The following BCAS3 variants were observed in gnomAD, a reference collection of about 807,000 sequenced individuals.
BCAS3 encodes BCAS4/BCAS3 fusion.
BCAS3 carries 53 observed loss-of-function variants against 116.1 expected under a neutral mutation model. The ratio of observed to expected loss-of-function variants is 0.46; its 90% CI spans 0.37 to 0.57. The LOEUF (loss-of-function observed/expected upper bound fraction) is 0.57, where lower values mean the gene tolerates loss of function less well. BCAS3 is among the 20% of genes least tolerant of loss of function. The pLI, the probability that BCAS3 is intolerant of heterozygous loss-of-function variation, is 0.00. For missense variants in BCAS3, 917 were observed against 1,165.4 expected, an observed-to-expected ratio of 0.79 and a Z score of 3.10; for synonymous variants, 391 against 408.2, an observed-to-expected ratio of 0.96 and a Z score of 0.51.
intron 9 of BCAS3, among the ~76,000 whole-genome samples, chr17:60,881,688 G>C (rs1254853782): frequency 6.7e-6 from 1 of 149,178 alleles, no homozygotes; most frequent in Non-Finnish European, 1.5e-5. Context: ...AGAATATGCG[G>C]TGTTTGGTTT....
chr17:60,709,367 G>T, intron 5 of BCAS3, 42 bp downstream of exon 5: 1 of 1,183,906 alleles, frequency 8.4e-7, no homozygotes, highest in East Asian at 2.4e-5. Context: ...ATACTTCCCA[G>T]CATGTTAGCT....
chr17:60,862,630 A>T (rs1481936615), intron 7 of BCAS3, among the ~76,000 whole-genome samples: 1 of 152,088 alleles, frequency 6.6e-6, no homozygotes, highest in Non-Finnish European at 1.5e-5. Flanking sequence ...TGCATGCATC[A>T]TCACTGTTGA....
At chr17:61,194,463 G>C (rs2080351940) in intron 22 of BCAS3, among the ~76,000 whole-genome samples, 1 of 152,106 alleles carries the variant, frequency 6.6e-6, no homozygotes. Flanking sequence ...AACTAAGCCG[G>C]GCGCAGTGGC....
chr17:61,246,141 TC>T (rs996421424), intron 22 of BCAS3, among the ~76,000 whole-genome samples: 7 of 152,082 alleles, frequency 4.6e-5, no homozygotes, highest in African/African-American at 1.7e-4. Flanking sequence ...TCATAACTGA[TC>T]TAAGATGGCT....
chr17:60,825,816 T>C (rs1023780328), intron 7 of BCAS3, among the ~76,000 whole-genome samples: 3 of 150,990 alleles, frequency 2.0e-5, no homozygotes, highest in Admixed American at 6.6e-5. Context: ...CTTAATCACC[T>C]CCTAAAGGCC....
intron 6 of BCAS3, among the ~76,000 whole-genome samples, chr17:60,773,614 AT>A (rs1347291095): frequency 2.0e-5 from 3 of 150,802 alleles, no homozygotes; most frequent in African/African-American, 7.3e-5. Context: ...TCTTTAACCT[AT>A]TTTTTCATCA....
At chr17:60,935,055 T>G (rs997447705) in intron 13 of BCAS3, among the ~76,000 whole-genome samples, 1 of 152,054 alleles carries the variant, frequency 6.6e-6, no homozygotes, top group Non-Finnish European at 1.5e-5. Context: ...TCCCAGCTAC[T>G]TGGGAGGCTG....
chr17:60,914,679 C>T (rs2058688080), intron 12 of BCAS3, among the ~76,000 whole-genome samples: 2 of 152,178 alleles, frequency 1.3e-5, no homozygotes, highest in African/African-American at 2.4e-5. Flanking sequence ...CCCTTTTCTT[C>T]CTCCCTGTCC....
At chr17:61,238,616 T>G (rs1020850675) in intron 22 of BCAS3, among the ~76,000 whole-genome samples, 13 of 152,158 alleles carry the variant, frequency 8.5e-5, no homozygotes, top group African/African-American at 4.8e-5. Flanking sequence ...AGAGCTGGCT[T>G]TGGCAGGTCT....
intron 22 of BCAS3, among the ~76,000 whole-genome samples, chr17:61,231,089 C>T (rs2082652496): frequency 6.6e-6 from 1 of 151,434 alleles, no homozygotes; most frequent in Non-Finnish European, 1.5e-5. Flanking sequence ...TAGGTGTGAG[C>T]TGCTGTACCT....
intron 14 of BCAS3, among the ~76,000 whole-genome samples, chr17:60,981,673 C>A (rs777937345): frequency 3.2e-4 from 48 of 152,112 alleles, no homozygotes; most frequent in Non-Finnish European, 2.6e-4. Flanking sequence ...ATAATAATAG[C>A]AAACATCTTT....
rs1264168541 is a variant in BCAS3, at chr17:60,842,862, CT to C, written c.477-25702del. 4.1e-3 allele frequency among the ~76,000 whole-genome samples: 592 copies of C among 144,292 alleles called. 2 individuals are homozygous for C. The highest frequency in any genetic ancestry group is 5.0e-3 in the Non-Finnish European group (326 of 65,378). 94.7% of individuals were successfully genotyped at this position (144,292 alleles called of 152,430 possible). On this transcript the variant is annotated intron_variant, in intron 7 of 23. Transcript: ENST00000407086. ...TTTGTTGGGTTTTGCATTCTCTTAG[CT>C]TTTTTTTTTTTATATTTTTATTTTT...
chr17:61,206,863 T>A (rs2081172502), intron 22 of BCAS3, among the ~76,000 whole-genome samples: 1 of 150,436 alleles, frequency 6.6e-6, no homozygotes, highest in Non-Finnish European at 1.5e-5. Context: ...AATGTACCAG[T>A]TTTTACTTTG....
chr17:61,329,643 T>TG (rs2056088795), intron 22 of BCAS3, among the ~76,000 whole-genome samples: 1 of 152,140 alleles, frequency 6.6e-6, no homozygotes, highest in South Asian at 2.1e-4. Context: ...GCCCGGCCTA[T>TG]GTTGTTATTT....
At chr17:60,989,667 A>G (rs1462580796) in intron 14 of BCAS3, among the ~76,000 whole-genome samples, 1 of 152,100 alleles carries the variant, frequency 6.6e-6, no homozygotes, top group African/African-American at 2.4e-5. Flanking sequence ...TATTGTTGTT[A>G]TCAGTTATGT....
At chr17:60,688,689 G>A (rs1464202061) in intron 3 of BCAS3, among the ~76,000 whole-genome samples, 1 of 151,848 alleles carries the variant, frequency 6.6e-6, no homozygotes, top group Non-Finnish European at 1.5e-5. Flanking sequence ...GGTGGCACAC[G>A]CCTATAGTTC....
At chr17:60,998,403 A>G (rs1039677022) in intron 15 of BCAS3, among the ~76,000 whole-genome samples, 1 of 152,150 alleles carries the variant, frequency 6.6e-6, no homozygotes, top group African/African-American at 2.4e-5. Context: ...TTCTATTTTT[A>G]GTTCTTTATG....
At chr17:60,745,081 A>G (rs1455869133) in intron 5 of BCAS3, among the ~76,000 whole-genome samples, 1 of 152,048 alleles carries the variant, frequency 6.6e-6, no homozygotes, top group East Asian at 1.9e-4. Flanking sequence ...CACTTCTTTA[A>G]CATAAAGGTT....
chr17:61,388,386 G>A lies in BCAS3; in HGVS notation c.2594-3591G>A, dbSNP rs1415321912. On this transcript the variant is annotated intron_variant, in intron 23 of 23. Coordinates refer to ENST00000407086, the MANE Select transcript of BCAS3 (RefSeq NM_017679.5). This position sits in a 1 kb window ranked among gnomAD's most constrained non-coding sequence, Gnocchi z 6.5. The stretch of plus-strand genomic sequence containing the variant: ...TCTCCCCCTCCCCCACTCTGAACGG[G>A]GTCTTGGCCCCCTCTGTCACAGCAG... 21 of 478,806 alleles carry A rather than the reference G, an allele frequency of 4.4e-5. No individual in the cohort carries two copies. The East Asian group carries it at 7.6e-4, about 17-fold the overall frequency. The allele number at this position is 478,806 out of a possible 1,614,324, so 29.7% of individuals were successfully genotyped here. A position where few individuals can be genotyped will look rare whatever the true frequency, so the allele number is the denominator to read the frequency against.
Sources: allele counts gnomAD v4.1 joint callset (sites outside exome capture counted in the v4.1 genomes callset), GRCh38; gene constraint gnomAD v4.1.1; non-coding constraint Gnocchi (gnomAD v3.1); transcripts MANE v1.5; gene names NCBI Gene and HGNC (gene_info 2026-07-23, HGNC 2026-07-21).